Variants in CSMD1 observed in about 807,000 individuals in gnomAD.
CSMD1 encodes the protein CUB and Sushi multiple domains 1.
CSMD1 carries 213 observed loss-of-function variants against 417.5 expected under a neutral mutation model. That is an observed-to-expected ratio of 0.51 (90% CI 0.46 to 0.57). CSMD1 has a LOEUF of 0.57. Among genes scored for constraint, CSMD1 ranks in the 20% least tolerant of loss-of-function variants. The probability of loss-of-function intolerance (pLI) is 0.00; values close to 1 mark genes in which losing one functional copy is unlikely to be tolerated. For synonymous variants in CSMD1, 2,862 were observed against 1,736.8 expected (o/e 1.65, Z -16.11); for missense variants, 6,923 against 4,529.7 (o/e 1.53, Z -15.17).
intron 3 of CSMD1, among the ~76,000 whole-genome samples, chr8:4,331,543 G>A (rs1052395899): frequency 1.3e-5 from 2 of 152,132 alleles, no homozygotes; most frequent in Admixed American, 1.3e-4. Flanking sequence ...GTGTAAGCCT[G>A]GCAGTATGAA....
intron 1 of CSMD1, among the ~76,000 whole-genome samples, chr8:4,692,670 G>T (rs1048118822): frequency 2.6e-5 from 4 of 152,138 alleles, no homozygotes; most frequent in East Asian, 1.9e-4. Flanking sequence ...CTGGTTTGCC[G>T]ATGGTCACCA....
chr8:4,460,381 G>GA (rs1265993434), intron 2 of CSMD1, among the ~76,000 whole-genome samples: 6 of 152,050 alleles, frequency 3.9e-5, no homozygotes, highest in African/African-American at 9.6e-5. Context: ...TATTTAAAAA[G>GA]AAAAAATCTT....
At chr8:4,539,362 G>C (rs1585222772) in intron 2 of CSMD1, among the ~76,000 whole-genome samples, 1 of 152,160 alleles carries the variant, frequency 6.6e-6, no homozygotes, top group East Asian at 1.9e-4. Flanking sequence ...CTAAGCCCAT[G>C]GATCAGCAGG....
intron 3 of CSMD1, among the ~76,000 whole-genome samples, chr8:4,035,578 G>C (rs556757514): frequency 1.1e-4 from 16 of 150,372 alleles, no homozygotes; most frequent in African/African-American, 3.6e-4. Context: ...TAGGGTGTGT[G>C]TTTGAGTCTT....
chr8:4,268,265 G>C (rs1334082344), intron 3 of CSMD1, among the ~76,000 whole-genome samples: 1 of 152,106 alleles, frequency 6.6e-6, no homozygotes, highest in Admixed American at 6.5e-5. Context: ...AATACTAATT[G>C]AGTTTCTATA....
chr8:3,829,412 GA>G, intron 5 of CSMD1, among the ~76,000 whole-genome samples: 1 of 152,142 alleles, frequency 6.6e-6, no homozygotes, highest in East Asian at 1.9e-4. Flanking sequence ...ACAACAGTCA[GA>G]ATGAGATAAG....
At chr8:4,176,986 C>A (rs1230827566) in intron 3 of CSMD1, among the ~76,000 whole-genome samples, 1 of 151,864 alleles carries the variant, frequency 6.6e-6, no homozygotes, top group Non-Finnish European at 1.5e-5. Flanking sequence ...AAATGGGAGA[C>A]TTTAACACCC....
intron 1 of CSMD1, among the ~76,000 whole-genome samples, chr8:4,940,284 T>C (rs4427198): frequency 3.3e-5 from 5 of 151,764 alleles, no homozygotes; most frequent in Admixed American, 6.6e-5. Flanking sequence ...GAGTGGAAAA[T>C]GCAGAGTAAA....
intron 7 of CSMD1, among the ~76,000 whole-genome samples, chr8:3,694,330 GCAGA>G (rs1424748985): frequency 2.0e-5 from 3 of 152,060 alleles, no homozygotes; most frequent in Non-Finnish European, 4.4e-5. Flanking sequence ...GCATGACTGA[GCAGA>G]CAGACAGGGG....
At chr8:3,238,624 C>T (rs965259888) in intron 26 of CSMD1, among the ~76,000 whole-genome samples, 4 of 151,914 alleles carry the variant, frequency 2.6e-5, no homozygotes, top group African/African-American at 7.3e-5. Flanking sequence ...TTAGAAGAAA[C>T]ATTTGTCATT....
intron 16 of CSMD1, 68 bp from the exon 17 acceptor site, chr8:3,396,449 T>A (rs773179682): frequency 8.9e-7 from 1 of 1,121,838 alleles, no homozygotes; most frequent in East Asian, 2.6e-5. Flanking sequence ...GCTCCTGACA[T>A]CCTCATTCCT....
chr8:3,868,873 GTCT>G (rs2129110905), intron 5 of CSMD1, among the ~76,000 whole-genome samples: 1 of 152,204 alleles, frequency 6.6e-6, no homozygotes, highest in South Asian at 2.1e-4. Flanking sequence ...TGTTACCATC[GTCT>G]TCTAATTGGT....
chr8:3,358,548 A>G (rs553635923), intron 21 of CSMD1, among the ~76,000 whole-genome samples: 2 of 152,182 alleles, frequency 1.3e-5, no homozygotes, highest in Non-Finnish European at 2.9e-5. Context: ...CAATTCCTGC[A>G]TGTGAGCCTA....
intron 11 of CSMD1, among the ~76,000 whole-genome samples, chr8:3,481,429 G>T (rs138242570): frequency 6.6e-6 from 1 of 152,122 alleles, no homozygotes; most frequent in African/African-American, 2.4e-5. Context: ...AAGGGGTAAA[G>T]GGCCCTAAAT....
At chr8:3,733,168 T>TACACACACACACAC (rs75223191) in intron 6 of CSMD1, among the ~76,000 whole-genome samples, 1 of 140,450 alleles carries the variant, frequency 7.1e-6, no homozygotes, top group East Asian at 2.1e-4. Context: ...AGGCCATAAA[T>TACACACACACACAC]ACACACACAC....
At chr8:4,951,614 T>C (rs1020271739) in intron 1 of CSMD1, among the ~76,000 whole-genome samples, 2 of 151,638 alleles carry the variant, frequency 1.3e-5, no homozygotes, top group Non-Finnish European at 2.9e-5. Context: ...GGGGTTTTTT[T>C]AATGCCTGTG....
intron 1 of CSMD1, among the ~76,000 whole-genome samples, chr8:4,961,473 A>C (rs1809479453): frequency 6.6e-6 from 1 of 152,136 alleles, no homozygotes; most frequent in Non-Finnish European, 1.5e-5. Flanking sequence ...AGTGAAACAT[A>C]TTCTCCAATG....
chr8:4,046,394 A>T (rs1464978649), intron 3 of CSMD1, among the ~76,000 whole-genome samples: 2 of 152,200 alleles, frequency 1.3e-5, no homozygotes, highest in East Asian at 3.9e-4. Context: ...TATATTACAA[A>T]TCCATGATTT....
intron 1 of CSMD1, among the ~76,000 whole-genome samples, chr8:4,838,802 T>C (rs1800662770): frequency 6.6e-6 from 1 of 152,196 alleles, no homozygotes; most frequent in African/African-American, 2.4e-5. Context: ...CGACAGACAC[T>C]GGCTCCCAAA....
Sources: allele counts gnomAD v4.1 joint callset (sites outside exome capture counted in the v4.1 genomes callset), GRCh38; gene constraint gnomAD v4.1.1; transcripts MANE v1.5; gene names NCBI Gene and HGNC (gene_info 2026-07-23, HGNC 2026-07-21).